The following WWTR1 variants were observed in gnomAD, a reference collection of about 807,000 sequenced individuals.
WWTR1 encodes WW domain-containing transcription regulator protein 1.
WWTR1 carries 13 observed loss-of-function variants against 40.1 expected under a neutral mutation model. The ratio of observed to expected loss-of-function variants is 0.32; its 90% CI spans 0.21 to 0.52. WWTR1 has a LOEUF of 0.52. Ranked by LOEUF, WWTR1 falls within the 20% of genes least tolerant of loss-of-function variation. The pLI, the probability that WWTR1 is intolerant of heterozygous loss-of-function variation, is 0.97. For missense variants in WWTR1, 436 were observed against 523.1 expected, an observed-to-expected ratio of 0.83 and a Z score of 1.63; for synonymous variants, 230 against 210.1, an observed-to-expected ratio of 1.09 and a Z score of -0.82.
At chr3:149,616,418 A>G (rs1299693742) in intron 2 of WWTR1, among the ~76,000 whole-genome samples, 1 of 152,010 alleles carries the variant, frequency 6.6e-6, no homozygotes, top group Admixed American at 6.6e-5. Context: ...CTTTCCTAAT[A>G]AAATGGCTGT....
rs554039983 is a variant in WWTR1 at position 149,562,984 on chromosome 3, A to T, written c.568+9880T>A. On this transcript the variant is annotated intron_variant, in intron 3 of 6. Transcript: ENST00000360632. Reference sequence around the variant, plus strand: ...ATCACTCAGCACTTATCAATTTGGAACAAGTGGCTGAATGACAAACCACCT... The same window carrying T: ...ATCACTCAGCACTTATCAATTTGGATCAAGTGGCTGAATGACAAACCACCT... 1.8e-4 allele frequency among the ~76,000 whole-genome samples: 28 copies of T among 152,262 alleles called. No individual in the cohort carries two copies. The South Asian group carries it at 5.8e-3, about 32-fold the overall frequency.
intron 1 of WWTR1, among the ~76,000 whole-genome samples, chr3:149,687,811 A>G (rs988207604): frequency 6.6e-6 from 1 of 152,096 alleles, no homozygotes; most frequent in African/African-American, 2.4e-5. Context: ...AAGGTCCCCA[A>G]TTCCAGGCCT....
intron 4 of WWTR1, among the ~76,000 whole-genome samples, chr3:149,530,153 C>T (rs1735499386): frequency 6.6e-6 from 1 of 152,042 alleles, no homozygotes; most frequent in African/African-American, 2.4e-5. Context: ...CAAGACCACC[C>T]TGGCTAACAA....
Position 149,627,010 on chromosome 3 carries a change from T to C in WWTR1, c.431+29866A>G, listed in dbSNP as rs563906553. Among the ~76,000 whole-genome samples the C allele has an allele frequency of 2.6e-5, 4 of 152,142 alleles. No homozygotes were observed. In the East Asian group the frequency reaches 5.8e-4, roughly 22 times the overall value. ...AGGTAAGCTAACAAAAAACATAAAATGAGACATGAGAAGTTTCTTAGGGAC... is the reference window on the plus strand; with the variant it reads ...AGGTAAGCTAACAAAAAACATAAAACGAGACATGAGAAGTTTCTTAGGGAC... On this transcript the variant is annotated intron_variant, in intron 2 of 6. Transcript: ENST00000360632.
intron 4 of WWTR1, among the ~76,000 whole-genome samples, chr3:149,535,574 A>G (rs1735790801): frequency 6.6e-6 from 1 of 152,138 alleles, no homozygotes; most frequent in Non-Finnish European, 1.5e-5. Context: ...TGTCATTATT[A>G]TCTATGGTCT....
At position 149,551,970 on chromosome 3, in the gene WWTR1, T is replaced by C. The variant is rs536745013; in HGVS notation, c.569-9433A>G. 4.1e-5 allele frequency among the ~76,000 whole-genome samples: 6 copies of C among 146,160 alleles called. 1 individual carries two copies. The East Asian group carries it at 1.2e-3, about 30-fold the overall frequency. On this transcript the variant is annotated intron_variant, in intron 3 of 6. Transcript: ENST00000360632. Reference sequence around the variant, plus strand: ...GAATATTACATACTCATTTTGTCTGTAATTTTTGAAGGAAATCAAGCACTA... The same window carrying C: ...GAATATTACATACTCATTTTGTCTGCAATTTTTGAAGGAAATCAAGCACTA...
intron 4 of WWTR1, among the ~76,000 whole-genome samples, chr3:149,533,367 TC>T (rs1735678840): frequency 6.6e-6 from 1 of 152,132 alleles, no homozygotes; most frequent in Non-Finnish European, 1.5e-5. Context: ...GGGCATCACA[TC>T]CTATGAAGAA....
At chr3:149,594,950 CTTTTTTTTTTTTTTTT>C (rs563658190) in intron 2 of WWTR1, among the ~76,000 whole-genome samples, 3 of 61,772 alleles carry the variant, frequency 4.9e-5, no homozygotes, top group African/African-American at 5.5e-5. Flanking sequence ...CTCTTTTTTA[CTTTTTTTTTTTTTTTT>C]TTTTTTTTTT....
At chr3:149,573,661 TG>T in intron 2 of WWTR1, among the ~76,000 whole-genome samples, 1 of 152,286 alleles carries the variant, frequency 6.6e-6, no homozygotes, top group African/African-American at 2.4e-5. Context: ...TGCCAGCTTA[TG>T]GAGAAACTTA....
intron 2 of WWTR1, among the ~76,000 whole-genome samples, chr3:149,667,313 GA>G (rs1394712438): frequency 6.9e-6 from 1 of 144,038 alleles, no homozygotes; most frequent in Non-Finnish European, 1.5e-5. Context: ...TTGGGAGGCT[GA>G]GGGGGGGTGG....
chr3:149,562,522 T>C (rs1173751957), intron 3 of WWTR1, among the ~76,000 whole-genome samples: 2 of 151,628 alleles, frequency 1.3e-5, no homozygotes, highest in Non-Finnish European at 1.5e-5. Context: ...AATTATGTAA[T>C]ATGGAAAAAA....
In WWTR1 at chr3:149,687,668, C is replaced by T. The variant is rs888601669; in HGVS notation, c.-108+15456G>A. On this transcript the variant is annotated intron_variant, in intron 1 of 7. Transcript: ENST00000465804. The stretch of plus-strand genomic sequence containing the variant: ...TGCTGCTTTTAGGTGTGACCCAGTA[C>T]GTTCTCACCTATGGTGGCCATGGGA... Among the ~76,000 whole-genome samples the T allele has an allele frequency of 3.9e-5, 6 of 152,190 alleles. No homozygotes were observed. The East Asian group carries it at 7.7e-4, about 20-fold the overall frequency.
intron 2 of WWTR1, among the ~76,000 whole-genome samples, chr3:149,629,774 C>T (rs573064045): frequency 6.6e-6 from 1 of 152,292 alleles, no homozygotes; most frequent in Non-Finnish European, 1.5e-5. Flanking sequence ...GCCAACCCAT[C>T]TACTATGGAG....
intron 1 of WWTR1, among the ~76,000 whole-genome samples, chr3:149,690,754 T>C (rs1407676587): frequency 1.3e-5 from 2 of 152,202 alleles, no homozygotes; most frequent in Admixed American, 6.5e-5. Flanking sequence ...ATCTGCACTA[T>C]ACACCAAATG....
At chr3:149,674,320 G>T (rs1159920021) in intron 1 of WWTR1, among the ~76,000 whole-genome samples, 1 of 152,066 alleles carries the variant, frequency 6.6e-6, no homozygotes, top group African/African-American at 2.4e-5. Flanking sequence ...CAGGCATGGT[G>T]GCTCATGCCT....
intron 2 of WWTR1, among the ~76,000 whole-genome samples, chr3:149,641,687 C>A (rs1339546413): frequency 6.6e-6 from 1 of 152,232 alleles, no homozygotes; most frequent in Non-Finnish European, 1.5e-5. Context: ...CCTTTAAAAT[C>A]ATTTCTTTAA....
chr3:149,706,987 C>G (rs1234136910), upstream of WWTR1, among the ~76,000 whole-genome samples: 1 of 152,168 alleles, frequency 6.6e-6, no homozygotes, highest in Non-Finnish European at 1.5e-5. Context: ...CACCCCCCAA[C>G]CCCAATACTG....
At chr3:149,629,863 C>A (rs910508385) in intron 2 of WWTR1, among the ~76,000 whole-genome samples, 1 of 152,028 alleles carries the variant, frequency 6.6e-6, no homozygotes, top group African/African-American at 2.4e-5. Flanking sequence ...GGTATTATTA[C>A]TGAGACAGGG....
At chr3:149,616,149 G>C (rs1243633032) in intron 2 of WWTR1, among the ~76,000 whole-genome samples, 1 of 152,086 alleles carries the variant, frequency 6.6e-6, no homozygotes, top group African/African-American at 2.4e-5. Context: ...CTCAGCCACC[G>C]GCATTTTTTA....
Sources: allele counts gnomAD v4.1 joint callset (sites outside exome capture counted in the v4.1 genomes callset), GRCh38; gene constraint gnomAD v4.1.1; transcripts MANE v1.5; gene names NCBI Gene and HGNC (gene_info 2026-07-23, HGNC 2026-07-21).